The following TYW1 variants were observed in gnomAD, a reference collection of about 807,000 sequenced individuals.
The protein encoded by TYW1 is S-adenosyl-L-methionine-dependent tRNA 4-demethylwyosine synthase TYW1.
A neutral mutation model predicts 96.2 loss-of-function variants in TYW1; 46 were observed. The observed-to-expected ratio is 0.48, with a 90% confidence interval of 0.38 to 0.61. TYW1 has a LOEUF of 0.61. Among genes scored for constraint, TYW1 ranks in the 20% least tolerant of loss-of-function variants. TYW1 has a pLI of 0.00. For missense variants in TYW1, 684 were observed against 909.6 expected (o/e 0.75, Z 3.19); for synonymous variants, 274 against 323.0 (o/e 0.85, Z 1.63).
chr7:67,092,550 T>C (rs2844077), intron 11 of TYW1, among the ~76,000 whole-genome samples: 182 of 152,020 alleles, frequency 1.2e-3, no homozygotes, highest in African/African-American at 3.9e-3. Context: ...AGCTACACTC[T>C]CCTTTTCAGC....
At chr7:67,139,177 A>G (rs957009867) in intron 13 of TYW1, among the ~76,000 whole-genome samples, 15 of 152,042 alleles carry the variant, frequency 9.9e-5, no homozygotes, top group Middle Eastern at 3.2e-3. Context: ...CTCAGCCTTC[A>G]AGTAACTGGG....
chr7:67,015,450 C>T (rs984037764), intron 5 of TYW1, among the ~76,000 whole-genome samples: 1 of 152,156 alleles, frequency 6.6e-6, no homozygotes. Flanking sequence ...GTCCTAGGCT[C>T]AAGGGATCCT....
At chr7:67,026,883 G>A (rs1235222732) in intron 7 of TYW1, among the ~76,000 whole-genome samples, 1 of 152,112 alleles carries the variant, frequency 6.6e-6, no homozygotes, top group Non-Finnish European at 1.5e-5. Context: ...AAGACCTGGA[G>A]TTTAAAAGGG....
In TYW1 at chr7:67,216,305, G is replaced by A. The variant is rs1421169556; in HGVS notation, c.1977+20968G>A. Among the ~76,000 whole-genome samples, 12 of 136,748 alleles carry A rather than the reference G, an allele frequency of 8.8e-5. 1 individual carries two copies. The highest frequency in any genetic ancestry group is 3.5e-4 in the African/African-American group (12 of 34,374). 89.7% of individuals were successfully genotyped at this position (136,748 alleles called of 152,430 possible). On this transcript the variant is annotated intron_variant, in intron 15 of 15. Coordinates refer to ENST00000359626, the MANE Select transcript of TYW1 (RefSeq NM_018264.4). ...AATGTGTATTTTTCTAGAATATTGT[G>A]CATTTCATCTAAGTTCTCAAAATCT...
At chr7:67,169,818 A>G (rs1799463074) in intron 13 of TYW1, among the ~76,000 whole-genome samples, 1 of 152,208 alleles carries the variant, frequency 6.6e-6, no homozygotes, top group African/African-American at 2.4e-5. Context: ...TGTTATGAGT[A>G]ATACTGCTGG....
chr7:67,117,259 CAATGTATTAGGGATG>C (rs1797623690), intron 12 of TYW1, among the ~76,000 whole-genome samples: 1 of 152,060 alleles, frequency 6.6e-6, no homozygotes, highest in Admixed American at 6.6e-5. Context: ...TCAATATTTT[CAATGTATTAGGGATG>C]GTTTCCAGTC....
At chr7:67,092,143 C>T (rs1015063082) in intron 11 of TYW1, among the ~76,000 whole-genome samples, 3 of 152,112 alleles carry the variant, frequency 2.0e-5, no homozygotes, top group African/African-American at 4.8e-5. Context: ...ATCATTGAAC[C>T]CTCTCACTTT....
chr7:67,222,950 A>T (rs1801446671), intron 15 of TYW1, among the ~76,000 whole-genome samples: 1 of 151,086 alleles, frequency 6.6e-6, no homozygotes, highest in Non-Finnish European at 1.5e-5. Flanking sequence ...TGCCTGTAGA[A>T]ATATGCCTTT....
intron 14 of TYW1, among the ~76,000 whole-genome samples, chr7:67,192,561 T>G (rs1387300983): frequency 6.6e-6 from 1 of 152,210 alleles, no homozygotes; most frequent in East Asian, 1.9e-4. Context: ...CTTTTATGAC[T>G]AATGCTTATC....
At chr7:67,098,486 T>C (rs17144750) in intron 11 of TYW1, 55 bp from the exon 12 acceptor site, 35,780 of 1,483,016 alleles carry the variant, frequency 0.024, 912 homozygotes, top group African/African-American at 0.12. Flanking sequence ...AAAACGTAAG[T>C]GACATCCTCT....
intron 15 of TYW1, among the ~76,000 whole-genome samples, chr7:67,223,811 A>G (rs4718487): frequency 0.62 from 91,666 of 148,754 alleles, 28,561 homozygotes; most frequent in Middle Eastern, 0.72. Context: ...AGCTAAGAGC[A>G]GAGATTGACT....
At chr7:67,080,598 C>A (rs1796354517) in intron 10 of TYW1, among the ~76,000 whole-genome samples, 1 of 152,044 alleles carries the variant, frequency 6.6e-6, no homozygotes, top group African/African-American at 2.4e-5. Context: ...TGGGGTATCA[C>A]CATGTTGGCC....
At chr7:67,098,930 G>A (rs1218635177) in intron 12 of TYW1, among the ~76,000 whole-genome samples, 3 of 152,178 alleles carry the variant, frequency 2.0e-5, no homozygotes, top group Non-Finnish European at 2.9e-5. Context: ...CAGATACATC[G>A]CTAGGGGAAT....
chr7:67,180,220 A>T (rs936299071), intron 13 of TYW1, among the ~76,000 whole-genome samples: 1 of 130,506 alleles, frequency 7.7e-6, no homozygotes, highest in African/African-American at 3.2e-5. Flanking sequence ...AATATTTGGT[A>T]TGATACGCTG....
chr7:67,118,453 TG>T (rs1390477327), intron 13 of TYW1, among the ~76,000 whole-genome samples: 1 of 152,160 alleles, frequency 6.6e-6, no homozygotes, highest in Non-Finnish European at 1.5e-5. Flanking sequence ...GTAAATGCCA[TG>T]TAAGTGGTTG....
At chr7:67,081,925 T>G (rs1796405409) in intron 10 of TYW1, among the ~76,000 whole-genome samples, 1 of 148,636 alleles carries the variant, frequency 6.7e-6, no homozygotes, top group Non-Finnish European at 1.5e-5. Context: ...GAGTTGTATT[T>G]ATTTCATTCA....
At chr7:67,148,891 A>G (rs1021498763) in intron 13 of TYW1, among the ~76,000 whole-genome samples, 1 of 152,210 alleles carries the variant, frequency 6.6e-6, no homozygotes, top group African/African-American at 2.4e-5. Flanking sequence ...ATTTCCTTTG[A>G]AATTTCAAAT....
At chr7:67,077,890 T>C (rs921194367) in intron 10 of TYW1, among the ~76,000 whole-genome samples, 2 of 152,192 alleles carry the variant, frequency 1.3e-5, no homozygotes, top group African/African-American at 4.8e-5. Flanking sequence ...CTTACGTTTA[T>C]GTCGTTAATC....
chr7:67,124,044 G>T (rs1465006008), intron 13 of TYW1, among the ~76,000 whole-genome samples: 1 of 152,142 alleles, frequency 6.6e-6, no homozygotes, highest in Non-Finnish European at 1.5e-5. Context: ...CCTTTCATCA[G>T]CTTAAAGAAT....
Sources: gnomAD v4.1 joint callset for allele counts (sites outside exome capture counted in the v4.1 genomes callset) on GRCh38, gnomAD v4.1.1 for gene constraint, MANE v1.5 for transcripts, NCBI Gene and HGNC (gene_info 2026-07-23, HGNC 2026-07-21) for gene names.